Variants in SLC9A4 observed in about 807,000 individuals in gnomAD.
The protein encoded by SLC9A4 is sodium/hydrogen exchanger 4.
In SLC9A4, 63 loss-of-function variants were observed where a neutral mutation model predicts 67.4. The observed-to-expected ratio is 0.93, with a 90% CI of 0.76 to 1.15. The LOEUF is 1.15. Among genes scored for constraint, SLC9A4 ranks in the 50% most tolerant of loss-of-function variants. The probability of loss-of-function intolerance (pLI) is 0.00; values close to 1 mark genes in which losing one functional copy is unlikely to be tolerated. For synonymous variants in SLC9A4, 393 were observed against 367.2 expected (o/e 1.07, Z -0.80); for missense variants, 1,089 against 987.7 (o/e 1.10, Z -1.38).
chr2:102,525,812 C>T (rs1361482141), intron 10 of SLC9A4, among the ~76,000 whole-genome samples: 1 of 152,078 alleles, frequency 6.6e-6, no homozygotes, highest in Non-Finnish European at 1.5e-5. Context: ...GTTCTGCTTT[C>T]TCAAAACAAA....
At chr2:102,490,345 G>A (rs1684670518) in intron 2 of SLC9A4, among the ~76,000 whole-genome samples, 1 of 152,200 alleles carries the variant, frequency 6.6e-6, no homozygotes, top group Admixed American at 6.5e-5. Flanking sequence ...TATGGAGGTT[G>A]GAAGTCCAAG....
At position 102,508,114 on chromosome 2, in the gene SLC9A4, C is replaced by T. The variant is rs766908354; in HGVS notation, c.1234C>T (p.Arg412Trp). The T allele has an allele frequency of 1.5e-5, 24 of 1,614,058 alleles. No individual in the cohort carries two copies. The highest frequency in any genetic ancestry group is 3.3e-5 in the South Asian group (3 of 91,092). Reference protein sequence around the residue: ...FALFYISNQFRTFPFSIKDQC... With the variant: ...FALFYISNQFWTFPFSIKDQC... The stretch of plus-strand genomic sequence containing the variant: ...TCTCTTCTATATCAGTAACCAGTTT[C>T]GGACTTTCCCCTTCTCCATCAAGGA... The change falls in exon 5 of 12, where the codon CGG becomes TGG. Residue 412 changes from arginine to tryptophan, a missense_variant. Transcript: ENST00000295269.
chr2:102,499,128 T>A lies in SLC9A4; in HGVS notation c.721-4320T>A, dbSNP rs574157343. 1.2e-3 allele frequency among the ~76,000 whole-genome samples: 179 copies of A among 152,032 alleles called. 1 individual carries two copies. The highest frequency in any genetic ancestry group is 4.1e-3 in the African/African-American group (171 of 41,444). ...CAGGCTGAAACACGTATCCAAGGAG[T>A]CCTTTGCCTTCCAGGAAGGGGCCTA... On this transcript the variant is annotated intron_variant, in intron 2 of 11. Coordinates refer to ENST00000295269, the MANE Select transcript of SLC9A4 (RefSeq NM_001011552.4).
intron 5 of SLC9A4, among the ~76,000 whole-genome samples, chr2:102,508,503 A>G (rs2104436951): frequency 6.6e-6 from 1 of 152,360 alleles, no homozygotes; most frequent in Non-Finnish European, 1.5e-5. Context: ...ATTCCTGAGT[A>G]ACAGGTGACT....
chr2:102,507,508 G>A (rs1274962095), intron 4 of SLC9A4, among the ~76,000 whole-genome samples: 1 of 152,074 alleles, frequency 6.6e-6, no homozygotes, highest in Non-Finnish European at 1.5e-5. Flanking sequence ...CTCACTGAGA[G>A]TAAGAAGCGC....
intron 8 of SLC9A4, among the ~76,000 whole-genome samples, chr2:102,518,192 C>T (rs951800655): frequency 1.3e-5 from 2 of 152,192 alleles, no homozygotes; most frequent in Non-Finnish European, 2.9e-5. Context: ...GTTCGTCCCC[C>T]CCAAAGTGGT....
chr2:102,495,846 T>C (rs997351508), intron 2 of SLC9A4, among the ~76,000 whole-genome samples: 1 of 152,122 alleles, frequency 6.6e-6, no homozygotes, highest in African/African-American at 2.4e-5. Flanking sequence ...CCTCAAGCCA[T>C]ATTTAAAAAT....
At chr2:102,490,852 C>T (rs1304445076) in intron 2 of SLC9A4, among the ~76,000 whole-genome samples, 2 of 152,208 alleles carry the variant, frequency 1.3e-5, no homozygotes, top group Non-Finnish European at 2.9e-5. Context: ...CTTACTTGTA[C>T]TACTTGCCTT....
rs781267109 is a variant in SLC9A4 at position 102,532,560 on chromosome 2, G to T, written c.2269G>T (p.Glu757Ter). 6.2e-7 allele frequency: 1 copy of T among 1,613,978 alleles called. No individual in the cohort carries two copies. ...PKPLFHAVDE[E>*]GESGGESEGK... Reference sequence around the variant, plus strand: ...ACCTCTGTTTCATGCAGTGGATGAGGAGGGTGAGTCTGGAGGGGAGAGTGA... The same window carrying T: ...ACCTCTGTTTCATGCAGTGGATGAGTAGGGTGAGTCTGGAGGGGAGAGTGA... The change falls in exon 12 of 12, where the codon GAG becomes TAG. Residue 757 changes from glutamate to a stop codon, truncating the protein, a stop_gained. Transcript: ENST00000295269. LOFTEE classifies it low-confidence loss of function (END_TRUNC).
chr2:102,474,111 C>A, intron 1 of SLC9A4, 96 bp downstream of exon 1: 1 of 1,370,998 alleles, frequency 7.3e-7, no homozygotes, highest in Non-Finnish European at 9.9e-7. Context: ...AGGATTTTAA[C>A]TGTTACTGCT....
intron 9 of SLC9A4, among the ~76,000 whole-genome samples, chr2:102,523,255 T>C (rs558498211): frequency 1.3e-5 from 2 of 152,294 alleles, no homozygotes; most frequent in African/African-American, 4.8e-5. Context: ...ATTACCAGTG[T>C]GAGCCACCTT....
intron 8 of SLC9A4, among the ~76,000 whole-genome samples, chr2:102,515,649 A>T (rs1685262744): frequency 6.6e-6 from 1 of 151,962 alleles, no homozygotes; most frequent in Non-Finnish European, 1.5e-5. Context: ...ATTATTTAAA[A>T]TGTTGATATT....
At chr2:102,481,403 A>T (rs1051238054) in intron 2 of SLC9A4, among the ~76,000 whole-genome samples, 1 of 152,208 alleles carries the variant, frequency 6.6e-6, no homozygotes, top group African/African-American at 2.4e-5. Flanking sequence ...ACTTTTCAGC[A>T]ACTGCAAATC....
intron 1 of SLC9A4, among the ~76,000 whole-genome samples, chr2:102,477,208 A>T (rs753698617): frequency 2.6e-5 from 4 of 152,206 alleles, no homozygotes; most frequent in Non-Finnish European, 5.9e-5. Context: ...CACTTTTCCC[A>T]GTTCAAAGGT....
chr2:102,483,871 A>C (rs6759587), intron 2 of SLC9A4, among the ~76,000 whole-genome samples: 1,980 of 147,646 alleles, frequency 0.013, 61 homozygotes, highest in African/African-American at 0.045. Context: ...ACACATGCAC[A>C]TATATACATA....
At chr2:102,483,189 G>T (rs1684503914) in intron 2 of SLC9A4, among the ~76,000 whole-genome samples, 2 of 152,212 alleles carry the variant, frequency 1.3e-5, no homozygotes, top group Admixed American at 1.3e-4. Flanking sequence ...GCTCCGTGGG[G>T]TTGTCCACAC....
chr2:102,480,611 T>A (rs1299315415), intron 2 of SLC9A4, among the ~76,000 whole-genome samples: 1 of 152,262 alleles, frequency 6.6e-6, no homozygotes, highest in African/African-American at 2.4e-5. Flanking sequence ...ATTCTTTTTT[T>A]CTGCATGCCT....
In SLC9A4 at chr2:102,505,491, C is replaced by T; in HGVS notation, c.1198+20C>T. On this transcript the variant is annotated intron_variant, in intron 4 of 11. Transcript: ENST00000295269. ...CCATCAGTAAGAGACGGCAGGGCTC[C>T]AGAGTCTCCGGTCCTGCTGCATTTT... 1 of 1,608,362 alleles carries T rather than the reference C, an allele frequency of 6.2e-7. No individual in the cohort carries two copies. The highest frequency in any genetic ancestry group is 1.1e-5 in the South Asian group (1 of 90,980).
chr2:102,503,835 A>G (rs1684995133), intron 3 of SLC9A4, 128 bp downstream of exon 3: 1 of 1,320,440 alleles, frequency 7.6e-7, no homozygotes, highest in Admixed American at 2.5e-5. Context: ...CAGATTTAGG[A>G]TCTTCTAAAC....
Sources: allele counts gnomAD v4.1 joint callset (sites outside exome capture counted in the v4.1 genomes callset), GRCh38; gene constraint gnomAD v4.1.1; transcripts MANE v1.5; gene names NCBI Gene and HGNC (gene_info 2026-07-23, HGNC 2026-07-21).